The following ZCCHC14 variants were observed in gnomAD, a reference collection of about 807,000 sequenced individuals.
ZCCHC14 encodes zinc finger CCHC domain-containing protein 14.
ZCCHC14 carries 16 observed loss-of-function variants against 85.0 expected under a neutral mutation model. That is an observed-to-expected ratio of 0.19 (90% confidence interval 0.13 to 0.29). ZCCHC14 has a LOEUF of 0.29. ZCCHC14 is among the 10% of genes least tolerant of loss of function. The pLI is 1.00. For synonymous variants in ZCCHC14, 775 were observed against 630.7 expected, an observed-to-expected ratio of 1.23 and a Z score of -3.43; for missense variants, 1,303 against 1,443.5, an observed-to-expected ratio of 0.90 and a Z score of 1.58.
At chr16:87,470,613 G>A (rs1047407774) in intron 1 of ZCCHC14, 2 of 151,966 alleles carry the variant, frequency 1.3e-5, no homozygotes, top group South Asian at 4.1e-4. Context: ...TCAAAGGTTT[G>A]TGTGTAAGGA....
At chr16:87,415,511 G>C (rs1908735288) in intron 8 of ZCCHC14, 144 bp from the exon 9 acceptor site, 3 of 688,394 alleles carry the variant, frequency 4.4e-6, no homozygotes, top group Non-Finnish European at 7.3e-6. Flanking sequence ...TACAAGCTGG[G>C]AAATCCTAGA....
intron 2 of ZCCHC14, among the ~76,000 whole-genome samples, chr16:87,444,208 C>A (rs1031750851): frequency 6.6e-6 from 1 of 152,070 alleles, no homozygotes; most frequent in Non-Finnish European, 1.5e-5. Context: ...GAACCTAGGC[C>A]GTTGGAAATT....
intron 10 of ZCCHC14, among the ~76,000 whole-genome samples, chr16:87,413,538 C>T (rs1490721410): frequency 6.6e-6 from 1 of 152,058 alleles, no homozygotes; most frequent in East Asian, 1.9e-4. Flanking sequence ...GAGATCTTTT[C>T]AGTCAAATCA....
rs1205703178 is a variant in ZCCHC14, at chr16:87,406,381, A to G, written c.*3899T>C. The G allele has an allele frequency of 6.5e-6, 1 of 152,672 alleles. No homozygotes were observed. Among genetic ancestry groups the G allele is most frequent in the Admixed American group, 6.5e-5 (1 of 15,286 alleles). The allele number at this position is 152,672 out of a possible 1,614,324, so 9.5% of individuals were successfully genotyped here. A position where few individuals can be genotyped will look rare whatever the true frequency, so the allele number is the denominator to read the frequency against. On this transcript the variant is annotated 3_prime_UTR_variant, in exon 13 of 13. Transcript: ENST00000671377. ...AAAAACAGAATACTTGACATTTACA[A>G]TTCAAAATCAAATTAGCGGAATATT... is the stretch of plus-strand genomic sequence containing the variant.
chr16:87,435,015 A>C (rs1157327331), intron 2 of ZCCHC14, among the ~76,000 whole-genome samples: 1 of 110,204 alleles, frequency 9.1e-6, no homozygotes, highest in Non-Finnish European at 2.0e-5. Flanking sequence ...AAAAAAAAAA[A>C]GACGTTTTTT....
chr16:87,451,719 C>T (rs927737964), intron 2 of ZCCHC14, among the ~76,000 whole-genome samples: 1 of 152,148 alleles, frequency 6.6e-6, no homozygotes, highest in Admixed American at 6.5e-5. Flanking sequence ...ACAGTCAGGG[C>T]CCAGGAGCAG....
chr16:87,428,462 C>A (rs973182036), intron 3 of ZCCHC14, among the ~76,000 whole-genome samples: 2 of 152,192 alleles, frequency 1.3e-5, no homozygotes, highest in Admixed American at 6.5e-5. Context: ...TTTCCACTTA[C>A]AAAGGACAAC....
chr16:87,420,501 T>C lies in ZCCHC14; in HGVS notation c.950+106A>G, dbSNP rs1909036743. 2 of 842,548 alleles carry C rather than the reference T, an allele frequency of 2.4e-6. No individual in the cohort carries two copies. The highest frequency in any genetic ancestry group is 2.8e-5 in the East Asian group (1 of 35,454). The allele number at this position is 842,548 out of a possible 1,614,324, so 52.2% of individuals were successfully genotyped here. On this transcript the variant is annotated intron_variant, in intron 5 of 12. Coordinates refer to ENST00000671377, the MANE Select transcript of ZCCHC14 (RefSeq NM_015144.3). This position sits in a 1 kb window ranked among gnomAD's most constrained non-coding sequence, Gnocchi z 5.0. ...GGCCAAGTAGAGACCCAGGTCCAGGTGACCGCGCATCCTCCCAGAGCTCCT... is the reference window on the plus strand; with the variant it reads ...GGCCAAGTAGAGACCCAGGTCCAGGCGACCGCGCATCCTCCCAGAGCTCCT...
chr16:87,473,297 G>A (rs1295380433), intron 1 of ZCCHC14: 2 of 151,960 alleles, frequency 1.3e-5, no homozygotes, highest in Admixed American at 1.3e-4. Context: ...CCGCCTCCTG[G>A]GTTCAAGCGA....
At chr16:87,471,814 A>G (rs1254472630) in intron 1 of ZCCHC14, 1 of 152,268 alleles carries the variant, frequency 6.6e-6, no homozygotes, top group African/African-American at 2.4e-5. Flanking sequence ...TTCAAAGGGC[A>G]TCTTAACGGA....
intron 1 of ZCCHC14, among the ~76,000 whole-genome samples, chr16:87,483,416 G>T (rs761592683): frequency 2.0e-5 from 3 of 148,490 alleles, no homozygotes; most frequent in Non-Finnish European, 4.5e-5. Context: ...GCTTGAACCC[G>T]GGAGGCAAAG....
chr16:87,418,419 G>T (rs906052172), intron 7 of ZCCHC14, among the ~76,000 whole-genome samples: 3 of 152,184 alleles, frequency 2.0e-5, no homozygotes, highest in Admixed American at 6.5e-5. Context: ...CCCTATGGGG[G>T]TGCGTGTGCA....
chr16:87,481,534 G>A (rs1912271207), intron 1 of ZCCHC14, among the ~76,000 whole-genome samples: 1 of 28,982 alleles, frequency 3.5e-5, no homozygotes, highest in African/African-American at 1.2e-4. Flanking sequence ...AACGGGGGGG[G>A]GGGGGGGTGG....
In ZCCHC14 at chr16:87,412,397, T is replaced by C; in HGVS notation, c.2324A>G (p.Lys775Arg). ...AGGAACAGATGACGACAGCAGCAGT[T>C]TGATGGGCGGACGGGCGGCGTGGAG... ...TVLHAARPPI[K>R]LLLSSSVPAD... The change falls in exon 12 of 13, where the codon AAA (lysine) becomes AGA (arginine). Residue 775 changes from lysine (K) to arginine (R), a missense_variant. By Grantham distance (26) the Lys-to-Arg change is conservative. Transcript: ENST00000671377. 6.2e-7 allele frequency: 1 copy of C among 1,614,166 alleles called. No individual in the cohort carries two copies. The highest frequency in any genetic ancestry group is 8.5e-7 in the Non-Finnish European group (1 of 1,180,034).
At chr16:87,414,909 G>A (rs979459571) in intron 9 of ZCCHC14, among the ~76,000 whole-genome samples, 4 of 152,094 alleles carry the variant, frequency 2.6e-5, no homozygotes, top group African/African-American at 7.2e-5. Context: ...GGTAAAACCC[G>A]GTCTCTTCTA....
At chr16:87,450,346 C>T (rs1910637487) in intron 2 of ZCCHC14, among the ~76,000 whole-genome samples, 1 of 152,194 alleles carries the variant, frequency 6.6e-6, no homozygotes, top group South Asian at 2.1e-4. Flanking sequence ...CCTCTTGTAG[C>T]TGTTATTAGA....
At position 87,411,638 on chromosome 16, in the gene ZCCHC14, A is replaced by G; in HGVS notation, c.3083T>C (p.Leu1028Pro). The change falls in exon 12 of 13, where the codon CTG becomes CCG. Residue 1028 changes from leucine (L) to proline (P), a missense_variant. Coordinates refer to ENST00000671377, the MANE Select transcript of ZCCHC14 (RefSeq NM_015144.3). ...ACTGGAACCATTGCTACTGCCCACC[A>G]GTCCTTGGGTCTGGTACACCCCTGC... is the stretch of plus-strand genomic sequence containing the variant. ...GTAGVYQTQG[L>P]VGSSNGSSHK... 6.2e-7 allele frequency: 1 copy of G among 1,613,944 alleles called. No individual in the cohort carries two copies. Among genetic ancestry groups the G allele is most frequent in the Non-Finnish European group, 8.5e-7 (1 of 1,179,982 alleles).
At chr16:87,467,519 T>C (rs908691268) in intron 1 of ZCCHC14, 16 of 1,605,820 alleles carry the variant, frequency 1.0e-5, no homozygotes, top group Admixed American at 5.0e-5. Context: ...CATCCCTTTC[T>C]CAACAGTAGG....
Position 87,488,705 on chromosome 16 carries a change from G to A in ZCCHC14, c.570+2964C>T, listed in dbSNP as rs1323881960. ...TAATCATCCCACCTCGGCCTCCCAA[G>A]TAGCAGGGACTACAAGTGTGTGCCA... On this transcript the variant is annotated intron_variant, in intron 1 of 12. Coordinates refer to ENST00000671377, the MANE Select transcript of ZCCHC14 (RefSeq NM_015144.3). Among the ~76,000 whole-genome samples, 7 of 152,152 alleles carry A rather than the reference G, an allele frequency of 4.6e-5. No individual in the cohort carries two copies. The East Asian group carries it at 1.3e-3, about 29-fold the overall frequency.
Sources: allele counts gnomAD v4.1 joint callset (sites outside exome capture counted in the v4.1 genomes callset), GRCh38; gene constraint gnomAD v4.1.1; non-coding constraint Gnocchi (gnomAD v3.1); transcripts MANE v1.5; gene names NCBI Gene and HGNC (gene_info 2026-07-23, HGNC 2026-07-21).